GRM8: variants seen among roughly 807,000 people sequenced by gnomAD.
GRM8 encodes metabotropic glutamate receptor 8.
A neutral mutation model predicts 87.2 loss-of-function variants in GRM8; 47 were observed. The ratio of observed to expected loss-of-function variants is 0.54; its 90% CI spans 0.43 to 0.69. GRM8 has a LOEUF of 0.69. GRM8 is among the 30% of genes least tolerant of loss of function. The pLI is 0.00. For synonymous variants in GRM8, 396 were observed against 404.5 expected (o/e 0.98, Z 0.25); for missense variants, 1,019 against 1,139.2 (o/e 0.89, Z 1.52).
chr7:126,952,838 G>C (rs1173336559), intron 3 of GRM8, among the ~76,000 whole-genome samples: 1 of 152,002 alleles, frequency 6.6e-6, no homozygotes, highest in Non-Finnish European at 1.5e-5. Flanking sequence ...GATTTCAGGA[G>C]ACTAAGGAGA....
rs532394969 is a variant in GRM8 at position 126,714,038 on chromosome 7, G to A, written c.1357+55827C>T. ...TGTAATCCCAGCACTTTGGGAGGTCGAGGCGGGCGGATCACTTGAGGTAAG... is the reference window on the plus strand; with the variant it reads ...TGTAATCCCAGCACTTTGGGAGGTCAAGGCGGGCGGATCACTTGAGGTAAG... On this transcript the variant is annotated intron_variant, in intron 7 of 10. Coordinates refer to ENST00000339582, the MANE Select transcript of GRM8 (RefSeq NM_000845.3). Among the ~76,000 whole-genome samples the A allele has an allele frequency of 6.6e-5, 10 of 151,476 alleles. 1 individual carries two copies. The East Asian group carries it at 1.4e-3, about 21-fold the overall frequency.
At chr7:127,149,754 G>A (rs892070062) in intron 2 of GRM8, among the ~76,000 whole-genome samples, 1 of 151,990 alleles carries the variant, frequency 6.6e-6, no homozygotes, top group African/African-American at 2.4e-5. Flanking sequence ...GATTCTACTT[G>A]CCACGACATG....
intron 3 of GRM8, among the ~76,000 whole-genome samples, chr7:127,001,291 T>A (rs1047848026): frequency 6.6e-6 from 1 of 151,602 alleles, no homozygotes; most frequent in African/African-American, 2.4e-5. Flanking sequence ...AAAAATCTCC[T>A]AAAAGGAGAA....
At chr7:126,740,353 T>G (rs1368719475) in intron 7 of GRM8, among the ~76,000 whole-genome samples, 1 of 152,112 alleles carries the variant, frequency 6.6e-6, no homozygotes, top group Non-Finnish European at 1.5e-5. Context: ...AGGAGATAAC[T>G]TGTATCAAGT....
At chr7:127,241,408 A>G (rs1242474454) in intron 2 of GRM8, among the ~76,000 whole-genome samples, 2 of 149,960 alleles carry the variant, frequency 1.3e-5, no homozygotes, top group Non-Finnish European at 3.0e-5. Flanking sequence ...ATATTTCTAA[A>G]TCTAATGTGC....
chr7:127,211,975 G>A (rs999798441), intron 2 of GRM8, among the ~76,000 whole-genome samples: 1 of 152,102 alleles, frequency 6.6e-6, no homozygotes, highest in Non-Finnish European at 1.5e-5. Flanking sequence ...AAACATAATG[G>A]CAGCATTTAT....
At chr7:126,658,887 C>T (rs1023259931) in intron 7 of GRM8, among the ~76,000 whole-genome samples, 2 of 152,026 alleles carry the variant, frequency 1.3e-5, no homozygotes, top group Non-Finnish European at 2.9e-5. Context: ...GGGACCGAGC[C>T]ACTCACAGAC....
intron 8 of GRM8, among the ~76,000 whole-genome samples, chr7:126,545,178 T>C (rs1817004570): frequency 6.6e-6 from 1 of 152,164 alleles, no homozygotes; most frequent in Non-Finnish European, 1.5e-5. Flanking sequence ...TTGGCGTATG[T>C]ATTGTGGATG....
chr7:126,872,434 A>G (rs554759658), intron 6 of GRM8, among the ~76,000 whole-genome samples: 7 of 152,242 alleles, frequency 4.6e-5, no homozygotes, highest in African/African-American at 1.7e-4. Context: ...GAATATTAGG[A>G]GTATTAATTC....
intron 6 of GRM8, among the ~76,000 whole-genome samples, chr7:126,839,070 C>T (rs1187346803): frequency 3.9e-5 from 6 of 152,176 alleles, no homozygotes; most frequent in African/African-American, 1.2e-4. Flanking sequence ...TATCTCCACA[C>T]TACTTGCTGC....
At chr7:126,882,639 T>C (rs561790313) in intron 6 of GRM8, among the ~76,000 whole-genome samples, 135 of 152,218 alleles carry the variant, frequency 8.9e-4, no homozygotes, top group African/African-American at 3.2e-3. Flanking sequence ...ATGAGAAAAA[T>C]AGATAGATAC....
chr7:126,440,610 G>A (rs556873061), intron 10 of GRM8, among the ~76,000 whole-genome samples: 48 of 151,938 alleles, frequency 3.2e-4, no homozygotes, highest in African/African-American at 1.1e-3. Context: ...GTTTAGATAT[G>A]TTTAGATATA....
intron 3 of GRM8, among the ~76,000 whole-genome samples, chr7:127,065,217 G>A (rs527912114): frequency 2.0e-4 from 30 of 152,130 alleles, no homozygotes; most frequent in African/African-American, 6.7e-4. Context: ...TGTTTTTTGC[G>A]GGAACATGCA....
At chr7:126,940,018 T>C (rs1806741056) in intron 3 of GRM8, among the ~76,000 whole-genome samples, 1 of 152,186 alleles carries the variant, frequency 6.6e-6, no homozygotes, top group Non-Finnish European at 1.5e-5. Context: ...GGACAATCAG[T>C]GTAATCATTT....
intron 3 of GRM8, among the ~76,000 whole-genome samples, chr7:127,040,200 G>C (rs1257230290): frequency 1.3e-5 from 2 of 151,980 alleles, no homozygotes; most frequent in Admixed American, 1.3e-4. Context: ...GGAATGGGCT[G>C]CTTTAGTCTC....
intron 1 of GRM8, among the ~76,000 whole-genome samples, chr7:127,250,528 T>C (rs1798810851): frequency 6.6e-6 from 1 of 152,178 alleles, no homozygotes; most frequent in African/African-American, 2.4e-5. Context: ...AAAGCAAGAA[T>C]TCTCTATCTT....
chr7:127,208,720 C>G (rs145458792), intron 2 of GRM8, among the ~76,000 whole-genome samples: 9 of 152,300 alleles, frequency 5.9e-5, no homozygotes, highest in African/African-American at 1.9e-4. Context: ...GCAGATCTGC[C>G]ACTTTCTTCA....
chr7:126,945,073 A>G (rs1024673122), intron 3 of GRM8, among the ~76,000 whole-genome samples: 2 of 152,182 alleles, frequency 1.3e-5, no homozygotes, highest in African/African-American at 2.4e-5. Flanking sequence ...GTAAAGGTGA[A>G]GATGCAGAGG....
chr7:126,482,738 A>G (rs1245858281), intron 9 of GRM8, among the ~76,000 whole-genome samples: 2 of 152,000 alleles, frequency 1.3e-5, no homozygotes, highest in Non-Finnish European at 2.9e-5. Context: ...ATTGCACAAC[A>G]ATATGAATAT....
Sources: gnomAD v4.1 joint callset for allele counts (sites outside exome capture counted in the v4.1 genomes callset) on GRCh38, gnomAD v4.1.1 for gene constraint, MANE v1.5 for transcripts, NCBI Gene and HGNC (gene_info 2026-07-23, HGNC 2026-07-21) for gene names.